Variants in PLA2G2A observed in about 807,000 individuals in gnomAD.
The protein encoded by PLA2G2A is phospholipase A2 group IIA.
PLA2G2A carries 6 observed loss-of-function variants against 11.2 expected under a neutral mutation model. The ratio of observed to expected loss-of-function variants is 0.54; its 90% confidence interval spans 0.29 to 1.06. The LOEUF is 1.06. Among genes scored for constraint, PLA2G2A ranks in the 50% least tolerant of loss-of-function variants. The pLI is 0.08. For missense variants in PLA2G2A, 133 were observed against 177.1 expected (o/e 0.75, Z 1.41); for synonymous variants, 69 against 65.8 (o/e 1.05, Z -0.23).
At chr1:19,978,155 C>T in intron 3 of PLA2G2A, 34 bp from the exon 4 acceptor site, 3 of 1,522,486 alleles carry the variant, frequency 2.0e-6, no homozygotes, top group South Asian at 2.2e-5. Flanking sequence ...GCTCTTGTCC[C>T]ACAGCTCCAG....
At chr1:19,976,600 G>C (rs893796294) in intron 4 of PLA2G2A, among the ~76,000 whole-genome samples, 1 of 152,210 alleles carries the variant, frequency 6.6e-6, no homozygotes, top group East Asian at 1.9e-4. Flanking sequence ...TCTATGGAGA[G>C]GCCATGATGG....
rs777849139 is a variant in PLA2G2A, at chr1:19,977,992, C to T, written c.292+23G>A. On this transcript the variant is annotated intron_variant, in intron 4 of 4. Coordinates refer to ENST00000482011, the Ensembl canonical transcript of PLA2G2A. ...ACTGTCTAAACAAATGAGGGCCACTCGATGGTGAGGTAGGACTCTTACCAC... is the reference window on the plus strand; with the variant it reads ...ACTGTCTAAACAAATGAGGGCCACTTGATGGTGAGGTAGGACTCTTACCAC... The T allele has an allele frequency of 9.4e-6, 13 of 1,386,110 alleles. No homozygotes were observed. The East Asian group carries it at 1.1e-4, about 12-fold the overall frequency. 85.9% of individuals were successfully genotyped at this position (1,386,110 alleles called of 1,614,324 possible).
chr1:19,979,467 C>T (rs2046272696), intron 1 of PLA2G2A, 113 bp downstream of exon 1: 1 of 154,990 alleles, frequency 6.5e-6, no homozygotes, highest in Non-Finnish European at 1.4e-5. Context: ...GCACACACAC[C>T]CTCTCATACA....
At chr1:19,975,819 T>C (rs773298275) in exon 5 of PLA2G2A, 3 of 1,613,954 alleles carry the variant, frequency 1.9e-6, no homozygotes, top group Non-Finnish European at 1.7e-6. Context: ...CTCACACAGT[T>C]GACTTCTGCA....
At chr1:19,978,298 T>A (rs2046250969) in intron 3 of PLA2G2A, 82 bp downstream of exon 3, 3 of 1,541,348 alleles carry the variant, frequency 1.9e-6, no homozygotes, top group Non-Finnish European at 2.7e-6. Context: ...TCTGCGCCCA[T>A]CAGGAACCGG....
chr1:19,977,171 C>T (rs1308025258), intron 4 of PLA2G2A, among the ~76,000 whole-genome samples: 3 of 152,150 alleles, frequency 2.0e-5, no homozygotes, highest in Admixed American at 2.0e-4. Context: ...TCCCTGGGTG[C>T]TGGAGGCCCC....
chr1:19,975,546 C>G (rs988829045), downstream of PLA2G2A: 1 of 704,252 alleles, frequency 1.4e-6, no homozygotes, highest in Non-Finnish European at 2.6e-6. Context: ...TGCTGGATGT[C>G]TCATTCTGGG....
intron 4 of PLA2G2A, 76 bp from the exon 5 acceptor site, chr1:19,975,919 GAAGAC>G: frequency 7.8e-7 from 1 of 1,277,148 alleles, no homozygotes; most frequent in South Asian, 1.2e-5. Flanking sequence ...CCCTGGGGTA[GAAGAC>G]ACAGCCCTGT....
chr1:19,975,490 T>C (rs2046206762), downstream of PLA2G2A: 1 of 606,124 alleles, frequency 1.6e-6, no homozygotes, highest in East Asian at 2.8e-5. Context: ...CTTCTTTGGT[T>C]AAGCACGGAG....
upstream of PLA2G2A, among the ~76,000 whole-genome samples, chr1:19,979,930 G>C (rs11573155): frequency 6.6e-6 from 1 of 152,150 alleles, no homozygotes; most frequent in African/African-American, 2.4e-5. Context: ...GCCTCTAAGG[G>C]GGGCAGAGAC....
intron 4 of PLA2G2A, among the ~76,000 whole-genome samples, chr1:19,977,208 T>G (rs1182862401): frequency 2.0e-5 from 3 of 152,082 alleles, no homozygotes; most frequent in Non-Finnish European, 4.4e-5. Context: ...GAAATAGAAC[T>G]GCTCCTCCCC....
At chr1:19,975,641 G>C (rs906731714), downstream of PLA2G2A, 4 of 1,506,988 alleles carry the variant, frequency 2.7e-6, no homozygotes, top group East Asian at 9.0e-5. Flanking sequence ...AGGGTAGGGA[G>C]GGAGGGTATG....
chr1:19,975,969 C>G (rs541747023), intron 4 of PLA2G2A, 126 bp from the exon 5 acceptor site: 1 of 787,904 alleles, frequency 1.3e-6, no homozygotes, highest in Non-Finnish European at 2.2e-6. Context: ...CAAACACCTG[C>G]GCTCCAGATA....
chr1:19,975,689 G>C, exon 5 of PLA2G2A: 1 of 1,612,570 alleles, frequency 6.2e-7, no homozygotes, highest in Non-Finnish European at 8.5e-7. Context: ...AGGTTTCCAG[G>C]GAAGAGGGGA....
At chr1:19,975,466 C>T (rs147990426), downstream of PLA2G2A, 13 of 579,138 alleles carry the variant, frequency 2.2e-5, no homozygotes, top group African/African-American at 2.2e-4. Flanking sequence ...CAGAAGAGAC[C>T]CCCCGGAGTA....
chr1:19,980,279 G>C (rs949088942), upstream of PLA2G2A: 1 of 152,096 alleles, frequency 6.6e-6, no homozygotes, highest in Non-Finnish European at 1.5e-5. Flanking sequence ...TGTCTCATAT[G>C]AGCTTCTAAA....
exon 3 of PLA2G2A, chr1:19,978,380 C>A: frequency 6.2e-7 from 1 of 1,611,848 alleles, no homozygotes. Context: ...GTGGCCTCAC[C>A]GATCCGTTGC....
intron 4 of PLA2G2A, among the ~76,000 whole-genome samples, chr1:19,976,843 C>T (rs984870855): frequency 3.3e-5 from 5 of 152,218 alleles, no homozygotes; most frequent in African/African-American, 1.2e-4. Context: ...CCTCCCGACT[C>T]CATGGAAACA....
chr1:19,975,621 G>T, downstream of PLA2G2A: 1 of 1,354,908 alleles, frequency 7.4e-7, no homozygotes, highest in Non-Finnish European at 1.1e-6. Context: ...CATGGCCAAG[G>T]AACTTGGTTA....
Sources: allele counts gnomAD v4.1 joint callset (sites outside exome capture counted in the v4.1 genomes callset), GRCh38; gene constraint gnomAD v4.1.1; transcripts MANE v1.5; gene names NCBI Gene and HGNC (gene_info 2026-07-23, HGNC 2026-07-21).